Variants in AFF4 observed in about 807,000 individuals in gnomAD.
The protein encoded by AFF4 is AF4/FMR2 family member 4.
A neutral mutation model predicts 124.8 loss-of-function variants in AFF4; 13 were observed. That is an observed-to-expected ratio of 0.10 (90% CI 0.07 to 0.17). The LOEUF is 0.17. AFF4 is among the 10% of genes least tolerant of loss of function. The pLI is 1.00. For synonymous variants in AFF4, 477 were observed against 496.1 expected, an observed-to-expected ratio of 0.96 and a Z score of 0.51; for missense variants, 1,092 against 1,403.8, an observed-to-expected ratio of 0.78 and a Z score of 3.55.
intron 5 of AFF4, chr5:132,926,885 C>A (rs571734110): frequency 4.2e-4 from 172 of 409,254 alleles, no homozygotes; most frequent in African/African-American, 3.4e-3. Context: ...AAATCTCTCT[C>A]GCATATTGCC....
intron 7 of AFF4, among the ~76,000 whole-genome samples, chr5:132,901,886 G>A (rs1489127532): frequency 2.0e-5 from 3 of 152,154 alleles, no homozygotes; most frequent in African/African-American, 7.2e-5. Context: ...TTTAAAGAGT[G>A]TGGCTGGAAT....
intron 5 of AFF4, among the ~76,000 whole-genome samples, chr5:132,911,663 G>A (rs1385988925): frequency 2.0e-5 from 3 of 151,702 alleles, no homozygotes; most frequent in African/African-American, 7.3e-5. Flanking sequence ...CGACAAAAGG[G>A]GAGAAGAGGG....
At chr5:132,927,415 G>A (rs1761197076) in intron 4 of AFF4, 1 of 440,934 alleles carries the variant, frequency 2.3e-6, no homozygotes, top group Non-Finnish European at 4.0e-6. Flanking sequence ...TGGCTTTGAG[G>A]AGTTTACAAT....
rs1204844119 is a variant in AFF4, at chr5:132,878,920, C to T, written c.*2139G>A. 4 of 221,690 alleles carry T rather than the reference C, an allele frequency of 1.8e-5. No homozygotes were observed. The highest frequency in any genetic ancestry group is 3.6e-5 in the Non-Finnish European group (4 of 110,906). The allele number at this position is 221,690 out of a possible 1,614,324, so 13.7% of individuals were successfully genotyped here. A position where few individuals can be genotyped will look rare whatever the true frequency, so the allele number is the denominator to read the frequency against. ...TACTTTTTCCATTTCTAAGACATCA[C>T]TGCAAATTAAGGAATCCAAGTCAGA... On this transcript the variant is annotated 3_prime_UTR_variant, in exon 21 of 21. Transcript: ENST00000265343.
intron 1 of AFF4, among the ~76,000 whole-genome samples, chr5:132,941,193 G>T (rs1761561099): frequency 6.6e-6 from 1 of 151,860 alleles, no homozygotes; most frequent in African/African-American, 2.4e-5. Context: ...TTCTCCAAAA[G>T]CAATAATTCC....
chr5:132,899,793 G>A, intron 7 of AFF4, 152 bp from the exon 8 acceptor site: 1 of 570,974 alleles, frequency 1.8e-6, no homozygotes, highest in South Asian at 3.0e-5. Flanking sequence ...ATTCTATCTG[G>A]TTTGGTTCAA....
rs187132804 is a variant in AFF4, at chr5:132,888,294, T to C, written c.2733-134A>G. 5.8e-6 allele frequency: 4 copies of C among 684,956 alleles called. No homozygotes were observed. In the East Asian group the frequency reaches 8.3e-5, roughly 14 times the overall value. The allele number at this position is 684,956 out of a possible 1,614,324, so 42.4% of individuals were successfully genotyped here. On this transcript the variant is annotated intron_variant, in intron 14 of 20. Coordinates refer to ENST00000265343, the MANE Select transcript of AFF4 (RefSeq NM_014423.4). ...AGCTGTTACTAAGAATTTGTTTCAG[T>C]ATTTTCTGACAAATGTTTATATCAG... is the stretch of plus-strand genomic sequence containing the variant.
chr5:132,942,102 T>C (rs116398012), intron 1 of AFF4, among the ~76,000 whole-genome samples: 63 of 152,054 alleles, frequency 4.1e-4, no homozygotes, highest in African/African-American at 1.4e-3. Flanking sequence ...ACCCCACAGG[T>C]TGAGTGAGGG....
intron 1 of AFF4, among the ~76,000 whole-genome samples, chr5:132,946,964 C>T (rs753514834): frequency 9.9e-5 from 15 of 151,064 alleles, no homozygotes; most frequent in African/African-American, 2.7e-4. Context: ...GGTGGAGGCA[C>T]GAGAATCGCT....
intron 17 of AFF4, among the ~76,000 whole-genome samples, chr5:132,887,216 T>C (rs2150066170): frequency 6.6e-6 from 1 of 152,324 alleles, no homozygotes; most frequent in South Asian, 2.1e-4. Flanking sequence ...GAAAAGTATA[T>C]GTGAATGGAG....
intron 5 of AFF4, among the ~76,000 whole-genome samples, chr5:132,915,105 G>A (rs539279605): frequency 2.0e-5 from 3 of 152,274 alleles, no homozygotes; most frequent in South Asian, 4.1e-4. Context: ...TTGGGAGGCC[G>A]AGGCAGGCGG....
At chr5:132,920,272 A>C (rs1267917998) in intron 5 of AFF4, among the ~76,000 whole-genome samples, 2 of 151,160 alleles carry the variant, frequency 1.3e-5, no homozygotes, top group Non-Finnish European at 2.9e-5. Context: ...CTGGTCTCGA[A>C]CTCCTGACCT....
chr5:132,951,997 T>C (rs972290364), intron 1 of AFF4, among the ~76,000 whole-genome samples: 29 of 152,250 alleles, frequency 1.9e-4, no homozygotes, highest in African/African-American at 7.0e-4. Context: ...TTATTTTCAC[T>C]GTGTATCCAC....
intron 5 of AFF4, among the ~76,000 whole-genome samples, chr5:132,915,953 TTTG>T (rs1445477214): frequency 1.3e-5 from 2 of 151,804 alleles, no homozygotes; most frequent in African/African-American, 2.4e-5. Flanking sequence ...ACTTAAGGCT[TTTG>T]TTTAAGAATT....
chr5:132,921,473 CT>C (rs142500965), intron 5 of AFF4, among the ~76,000 whole-genome samples: 50,415 of 119,796 alleles, frequency 0.42, 9,083 homozygotes, highest in East Asian at 0.62. Flanking sequence ...TTTTTTTTTT[CT>C]TTTTTTTTTT....
intron 19 of AFF4, among the ~76,000 whole-genome samples, chr5:132,884,818 G>T (rs1760074515): frequency 6.6e-6 from 1 of 152,116 alleles, no homozygotes; most frequent in Non-Finnish European, 1.5e-5. Context: ...AAATCAAACT[G>T]TGAAAAGGGT....
intron 10 of AFF4, 38 bp downstream of exon 10, chr5:132,898,192 G>T: frequency 1.9e-6 from 3 of 1,610,840 alleles, no homozygotes; most frequent in Non-Finnish European, 1.7e-6. Context: ...AGGACCCTGA[G>T]AGGGCCTGTG....
intron 1 of AFF4, among the ~76,000 whole-genome samples, chr5:132,957,992 T>A (rs574571859): frequency 1.8e-4 from 27 of 152,124 alleles, no homozygotes; most frequent in Non-Finnish European, 3.5e-4. Flanking sequence ...CTTATTTGGA[T>A]CCTAATTCAC....
At chr5:132,899,736 T>TGTG in intron 7 of AFF4, 95 bp from the exon 8 acceptor site, 1 of 1,094,192 alleles carries the variant, frequency 9.1e-7, no homozygotes, top group Non-Finnish European at 1.3e-6. Flanking sequence ...AAATAATCAC[T>TGTG]GTGGTAGCCA....
Sources: allele counts gnomAD v4.1 joint callset (sites outside exome capture counted in the v4.1 genomes callset), GRCh38; gene constraint gnomAD v4.1.1; transcripts MANE v1.5; gene names NCBI Gene and HGNC (gene_info 2026-07-23, HGNC 2026-07-21).